RNF220: variants seen among roughly 807,000 people sequenced by gnomAD.
RNF220 encodes the protein E3 ubiquitin-protein ligase RNF220.
In RNF220, 7 loss-of-function variants were observed where a neutral mutation model predicts 67.1. The ratio of observed to expected loss-of-function variants is 0.10; its 90% CI spans 0.06 to 0.20. RNF220 has a LOEUF of 0.20. Among genes scored for constraint, RNF220 ranks in the 10% least tolerant of loss-of-function variants. RNF220 has a pLI of 1.00. For synonymous variants in RNF220, 270 were observed against 283.2 expected, an observed-to-expected ratio of 0.95 and a Z score of 0.47; for missense variants, 565 against 740.3, an observed-to-expected ratio of 0.76 and a Z score of 2.75.
At chr1:44,642,172 TAATA>T (rs1644506034) in intron 8 of RNF220, among the ~76,000 whole-genome samples, 1 of 152,196 alleles carries the variant, frequency 6.6e-6, no homozygotes, top group African/African-American at 2.4e-5. Context: ...CAATAGGTGG[TAATA>T]AATATGATTT....
chr1:44,627,035 C>CAAAAAAAAAA (rs59977929), intron 5 of RNF220: 1 of 44,500 alleles, frequency 2.2e-5, no homozygotes, highest in Admixed American at 3.7e-4. Context: ...GACTCCATCT[C>CAAAAAAAAAA]AAAAAAAAAA....
chr1:44,635,249 A>C (rs1644291071), intron 6 of RNF220: 2 of 363,350 alleles, frequency 5.5e-6, no homozygotes, highest in Non-Finnish European at 1.0e-5. Context: ...GTCTTTGCTC[A>C]CTGGATTTTT....
At chr1:44,640,488 A>G (rs868718683) in intron 8 of RNF220, among the ~76,000 whole-genome samples, 1 of 152,338 alleles carries the variant, frequency 6.6e-6, no homozygotes, top group Non-Finnish European at 1.5e-5. Context: ...CTTTTGGAAC[A>G]CAATTGTTAA....
intron 2 of RNF220, among the ~76,000 whole-genome samples, chr1:44,499,946 A>G (rs1657682733): frequency 6.6e-6 from 1 of 152,198 alleles, no homozygotes; most frequent in South Asian, 2.1e-4. Flanking sequence ...CACACCATTC[A>G]TACTGCCTAT....
intron 6 of RNF220, among the ~76,000 whole-genome samples, chr1:44,633,772 C>T (rs2148478416): frequency 6.6e-6 from 1 of 152,344 alleles, no homozygotes; most frequent in South Asian, 2.1e-4. Context: ...TTTGTGTTGG[C>T]ACACTGCTCC....
chr1:44,530,118 T>C (rs927324340), intron 2 of RNF220, among the ~76,000 whole-genome samples: 2 of 152,074 alleles, frequency 1.3e-5, no homozygotes, highest in African/African-American at 2.4e-5. Context: ...TTTGTGAGTA[T>C]AAACGTTTAG....
intron 2 of RNF220, among the ~76,000 whole-genome samples, chr1:44,446,245 G>C (rs75529215): frequency 6.6e-6 from 1 of 152,136 alleles, no homozygotes; most frequent in Non-Finnish European, 1.5e-5. Context: ...AAGAACAAAC[G>C]TAATGTTTTA....
Position 44,649,370 on chromosome 1 carries a change from T to C in RNF220, c.1446-291T>C. 1 of 473,948 alleles carries C rather than the reference T, an allele frequency of 2.1e-6. No homozygotes were observed. 29.4% of individuals were successfully genotyped at this position (473,948 alleles called of 1,614,324 possible). A position where few individuals can be genotyped will look rare whatever the true frequency, so the allele number is the denominator to read the frequency against. On this transcript the variant is annotated intron_variant, in intron 12 of 14. Transcript: ENST00000361799. The surrounding 1 kb of genome is among the most constrained non-coding windows in gnomAD (Gnocchi z 5.9). ...TGGTGAGGAGAGATGCCGGAGATAC[T>C]AGGAGAGATGACAGATTTGGGTGGT...
chr1:44,482,239 C>A (rs1655884537), intron 2 of RNF220, among the ~76,000 whole-genome samples: 2 of 152,144 alleles, frequency 1.3e-5, no homozygotes. Flanking sequence ...ATTCATTTTT[C>A]CATAGAGAAA....
intron 2 of RNF220, among the ~76,000 whole-genome samples, chr1:44,495,404 T>C (rs1657250606): frequency 6.6e-6 from 1 of 152,216 alleles, no homozygotes; most frequent in African/African-American, 2.4e-5. Context: ...CTAAGACTGC[T>C]TTCAAAGAAT....
chr1:44,525,533 C>T (rs1660303353), intron 2 of RNF220, among the ~76,000 whole-genome samples: 1 of 152,238 alleles, frequency 6.6e-6, no homozygotes, highest in Non-Finnish European at 1.5e-5. Flanking sequence ...ACTACTGTAG[C>T]AAGTGACTTT....
At chr1:44,550,796 G>A (rs1321774838) in intron 2 of RNF220, among the ~76,000 whole-genome samples, 1 of 152,180 alleles carries the variant, frequency 6.6e-6, no homozygotes, top group Non-Finnish European at 1.5e-5. Flanking sequence ...GCAACTCAGT[G>A]GAGATGCTCA....
chr1:44,545,687 G>A (rs569013484), intron 2 of RNF220: 1 of 153,210 alleles, frequency 6.5e-6, no homozygotes, highest in Admixed American at 6.5e-5. Context: ...ATATCTAGGG[G>A]GCCTAAAGAT....
intron 2 of RNF220, among the ~76,000 whole-genome samples, chr1:44,430,304 TA>T (rs1650225215): frequency 6.6e-6 from 1 of 152,148 alleles, no homozygotes; most frequent in African/African-American, 2.4e-5. Context: ...TTTATGATTT[TA>T]AAAAGTTAAT....
chr1:44,574,450 T>C (rs1664664122), intron 2 of RNF220, among the ~76,000 whole-genome samples: 1 of 152,246 alleles, frequency 6.6e-6, no homozygotes, highest in Non-Finnish European at 1.5e-5. Flanking sequence ...TACACTGTTC[T>C]GTGCTCCAGT....
chr1:44,434,856 A>T (rs540110417), intron 2 of RNF220, among the ~76,000 whole-genome samples: 2 of 139,464 alleles, frequency 1.4e-5, no homozygotes, highest in Non-Finnish European at 3.1e-5. Flanking sequence ...CTCCATTTCT[A>T]AAAAAAAAAA....
intron 2 of RNF220, among the ~76,000 whole-genome samples, chr1:44,467,436 C>G (rs1415618292): frequency 6.6e-6 from 1 of 152,372 alleles, no homozygotes; most frequent in East Asian, 1.9e-4. Flanking sequence ...GTCTCGAACT[C>G]CCAGCCTCAG....
intron 2 of RNF220, among the ~76,000 whole-genome samples, chr1:44,561,357 A>T (rs1396200404): frequency 6.6e-6 from 1 of 152,126 alleles, no homozygotes; most frequent in Non-Finnish European, 1.5e-5. Flanking sequence ...TAAAAATACA[A>T]AAATTAGCTG....
intron 2 of RNF220, among the ~76,000 whole-genome samples, chr1:44,470,783 G>A (rs755955939): frequency 8.6e-5 from 13 of 152,000 alleles, no homozygotes; most frequent in East Asian, 5.8e-4. Context: ...TTTCCCTCCC[G>A]TCCTCTTCCT....
Sources: allele counts gnomAD v4.1 joint callset (sites outside exome capture counted in the v4.1 genomes callset), GRCh38; gene constraint gnomAD v4.1.1; non-coding constraint Gnocchi (gnomAD v3.1); transcripts MANE v1.5; gene names NCBI Gene and HGNC (gene_info 2026-07-23, HGNC 2026-07-21).